CNOT2: variants seen among roughly 807,000 people sequenced by gnomAD.
CNOT2 encodes the protein CC chemokine receptor 4-negative regulator of transcription 2.
CNOT2 carries 7 observed loss-of-function variants against 72.1 expected under a neutral mutation model. That is an observed-to-expected ratio of 0.10 (90% CI 0.06 to 0.18). CNOT2 has a LOEUF of 0.18. CNOT2 is among the 10% of genes least tolerant of loss of function. The probability of loss-of-function intolerance (pLI) is 1.00; values close to 1 mark genes in which losing one functional copy is unlikely to be tolerated. For missense variants in CNOT2, 345 were observed against 660.3 expected (o/e 0.52, Z 5.23); for synonymous variants, 196 against 225.6 (o/e 0.87, Z 1.17).
chr12:70,333,247 G>A (rs1880210977), intron 7 of CNOT2, among the ~76,000 whole-genome samples: 1 of 151,866 alleles, frequency 6.6e-6, no homozygotes, highest in Admixed American at 6.6e-5. Context: ...AGATTGAAGA[G>A]AACCTTTAAA....
chr12:70,342,781 A>G lies in CNOT2; in HGVS notation c.1290+474A>G, dbSNP rs534033236. On this transcript the variant is annotated intron_variant, in intron 13 of 15. Coordinates refer to ENST00000229195, the MANE Select transcript of CNOT2 (RefSeq NM_014515.7). ...TTACAGCTTAATCTCTCTTTTTTCA[A>G]TCTAAGAAAGAAAATGGTGGCACTT... is the stretch of plus-strand genomic sequence containing the variant. 2.6e-5 allele frequency among the ~76,000 whole-genome samples: 4 copies of G among 152,182 alleles called. No individual in the cohort carries two copies. In the South Asian group the frequency reaches 6.2e-4, roughly 24 times the overall value.
chr12:70,278,266 A>C lies in CNOT2; in HGVS notation c.40A>C (p.Asn14His), dbSNP rs1443243067. ...TGGACATACATTATCTGAGAAAAGA[A>C]ACTACCAGGTAAGACCAGTCTTTCT... Reference protein sequence around the residue: ...TDGHTLSEKRNYQVTNSMFGA... With the variant: ...TDGHTLSEKRHYQVTNSMFGA... The change falls in exon 2 of 16, where the codon AAC becomes CAC. Residue 14 changes from asparagine to histidine, a missense_variant. Physicochemically the swap from Asn to His is moderately conservative, Grantham distance 68. Transcript: ENST00000229195. The C allele has an allele frequency of 6.2e-7, 1 of 1,608,548 alleles. No individual in the cohort carries two copies. The highest frequency in any genetic ancestry group is 1.7e-5 in the Admixed American group (1 of 59,982).
intron 2 of CNOT2, among the ~76,000 whole-genome samples, chr12:70,281,797 A>G (rs1242215091): frequency 8.8e-6 from 1 of 114,174 alleles, no homozygotes; most frequent in Non-Finnish European, 2.1e-5. Flanking sequence ...TGCCGTAGGA[A>G]CTAGTCACAA....
intron 2 of CNOT2, among the ~76,000 whole-genome samples, chr12:70,304,023 C>T (rs116911807): frequency 0.027 from 4,100 of 152,256 alleles, 116 homozygotes; most frequent in African/African-American, 0.059. Context: ...GTGCATTCGT[C>T]ACGTTCTCGT....
In CNOT2 at chr12:70,286,832, A is replaced by G. The variant is rs998201054; in HGVS notation, c.48+8558A>G. Among the ~76,000 whole-genome samples, 19 of 135,668 alleles carry G rather than the reference A, an allele frequency of 1.4e-4. 4 individuals carry two copies. The Admixed American group carries it at 1.6e-3, about 11-fold the overall frequency. The allele number at this position is 135,668 out of a possible 152,430, so 89.0% of individuals were successfully genotyped here. A position where few individuals can be genotyped will look rare whatever the true frequency, so the allele number is the denominator to read the frequency against. Reference sequence around the variant, plus strand: ...TCTTTGTGGAAGAATCGATAAGTTTATGTATTCTTTCATGTTTTCTCTCAA... The same window carrying G: ...TCTTTGTGGAAGAATCGATAAGTTTGTGTATTCTTTCATGTTTTCTCTCAA... On this transcript the variant is annotated intron_variant, in intron 2 of 15. Coordinates refer to ENST00000229195, the MANE Select transcript of CNOT2 (RefSeq NM_014515.7).
intron 2 of CNOT2, among the ~76,000 whole-genome samples, chr12:70,299,313 G>A (rs1455185880): frequency 1.3e-5 from 2 of 151,932 alleles, no homozygotes; most frequent in Admixed American, 1.3e-4. Context: ...ATGTTGGTGT[G>A]CTGCACCCAT....
At chr12:70,338,408 A>C (rs996757537) in intron 9 of CNOT2, 35 bp from the exon 10 acceptor site, 1 of 1,571,856 alleles carries the variant, frequency 6.4e-7, no homozygotes. Context: ...ATACTTAACA[A>C]ATTTTAATGT....
chr12:70,266,920 A>G (rs145374247), intron 1 of CNOT2, among the ~76,000 whole-genome samples: 1 of 151,640 alleles, frequency 6.6e-6, no homozygotes, highest in African/African-American at 2.4e-5. Flanking sequence ...TTCTATTTGG[A>G]TTTAGATAAA....
rs1396954652 is a variant in CNOT2 at position 70,354,112 on chromosome 12, T to C, written c.*197T>C. The C allele has an allele frequency of 1.9e-6, 2 of 1,028,282 alleles. No homozygotes were observed. The highest frequency in any genetic ancestry group is 2.6e-6 in the Non-Finnish European group (2 of 777,456). The allele number at this position is 1,028,282 out of a possible 1,614,324, so 63.7% of individuals were successfully genotyped here. ...AATTATGTGCTGCCCAACAACTAAATTTGTAATTTGTTTTTCTCTAGTTTG... is the reference window on the plus strand; with the variant it reads ...AATTATGTGCTGCCCAACAACTAAACTTGTAATTTGTTTTTCTCTAGTTTG... On this transcript the variant is annotated 3_prime_UTR_variant, in exon 16 of 16. Transcript: ENST00000229195.
chr12:70,256,924 A>G (rs1958481177), intron 1 of CNOT2, among the ~76,000 whole-genome samples: 1 of 152,218 alleles, frequency 6.6e-6, no homozygotes, highest in African/African-American at 2.4e-5. Flanking sequence ...GTATTGAAAA[A>G]ACAAAACTGA....
At chr12:70,333,541 C>CCT (rs1880258928) in intron 7 of CNOT2, among the ~76,000 whole-genome samples, 1 of 151,794 alleles carries the variant, frequency 6.6e-6, no homozygotes, top group Non-Finnish European at 1.5e-5. Context: ...ATGTTATGAT[C>CCT]ATAGGAGCAA....
At chr12:70,287,532 A>C (rs773046280) in intron 2 of CNOT2, among the ~76,000 whole-genome samples, 2 of 149,736 alleles carry the variant, frequency 1.3e-5, no homozygotes, top group African/African-American at 4.9e-5. Context: ...TCTGTATGAT[A>C]CAATTATTTG....
At chr12:70,267,446 T>C (rs1430703886) in intron 1 of CNOT2, among the ~76,000 whole-genome samples, 7 of 152,240 alleles carry the variant, frequency 4.6e-5, no homozygotes, top group Non-Finnish European at 1.0e-4. Flanking sequence ...ACACAAGTCA[T>C]TGGATTTAGG....
chr12:70,278,277 A>C lies in CNOT2; in HGVS notation c.48+3A>C. 1 of 1,598,700 alleles carries C rather than the reference A, an allele frequency of 6.3e-7. No homozygotes were observed. Among genetic ancestry groups the C allele is most frequent in the South Asian group, 1.1e-5 (1 of 90,754 alleles). ...TATCTGAGAAAAGAAACTACCAGGT[A>C]AGACCAGTCTTTCTTCTTTTTTCTC... On this transcript the variant is annotated splice_donor_region_variant and intron_variant, in intron 2 of 15. Transcript: ENST00000229195.
chr12:70,341,933 CACACACACAA>C, intron 11 of CNOT2, 164 bp from the exon 12 acceptor site: 1 of 617,688 alleles, frequency 1.6e-6, no homozygotes, highest in Non-Finnish European at 2.9e-6. Context: ...ATTTTACAGA[CACACACACAA>C]ACACACACAG....
intron 4 of CNOT2, chr12:70,321,472 A>G (rs530207778): frequency 6.6e-6 from 1 of 152,032 alleles, no homozygotes; most frequent in South Asian, 2.1e-4. Context: ...TTAAGTCAGA[A>G]TGACAAAACT....
chr12:70,246,554 A>G (rs1385833452), intron 1 of CNOT2, among the ~76,000 whole-genome samples: 1 of 152,150 alleles, frequency 6.6e-6, no homozygotes, highest in Non-Finnish European at 1.5e-5. Flanking sequence ...GCTTGATGAT[A>G]CAGGTGACTG....
At chr12:70,325,282 T>C (rs566099713) in intron 4 of CNOT2, among the ~76,000 whole-genome samples, 2 of 152,002 alleles carry the variant, frequency 1.3e-5, no homozygotes, top group African/African-American at 4.8e-5. Context: ...TTTAATACTC[T>C]AGAACAGTGG....
chr12:70,250,142 G>A (rs1958070084), intron 1 of CNOT2, among the ~76,000 whole-genome samples: 2 of 152,126 alleles, frequency 1.3e-5, no homozygotes, highest in South Asian at 4.1e-4. Context: ...ATGGATGTGT[G>A]TAAAAAAATT....
Sources: gnomAD v4.1 joint callset for allele counts (sites outside exome capture counted in the v4.1 genomes callset) on GRCh38, gnomAD v4.1.1 for gene constraint, MANE v1.5 for transcripts, NCBI Gene and HGNC (gene_info 2026-07-23, HGNC 2026-07-21) for gene names.